Variants in TMTC1 observed in about 807,000 individuals in gnomAD.
The protein encoded by TMTC1 is protein O-mannosyl-transferase TMTC1.
In TMTC1, 73 loss-of-function variants were observed where a neutral mutation model predicts 104.8. The observed-to-expected ratio is 0.70, with a 90% CI of 0.58 to 0.85. The LOEUF (loss-of-function observed/expected upper bound fraction) is 0.85, where lower values mean the gene tolerates loss of function less well. TMTC1 is among the 40% of genes least tolerant of loss of function. TMTC1 has a pLI of 0.00. For synonymous variants in TMTC1, 434 were observed against 428.7 expected (o/e 1.01, Z -0.15); for missense variants, 1,035 against 1,096.1 (o/e 0.94, Z 0.79).
At chr12:29,569,248 T>C (rs1311067262) in intron 9 of TMTC1, among the ~76,000 whole-genome samples, 2 of 152,162 alleles carry the variant, frequency 1.3e-5, no homozygotes, top group Non-Finnish European at 2.9e-5. Flanking sequence ...AAGCAGAATA[T>C]TCATGTCATA....
At chr12:29,512,165 A>G (rs1160886723) in intron 16 of TMTC1, 45 bp from the exon 17 acceptor site, 3 of 1,517,982 alleles carry the variant, frequency 2.0e-6, no homozygotes, top group Non-Finnish European at 2.7e-6. Flanking sequence ...CAAACCTCCA[A>G]ACTCCAGGAT....
At chr12:29,665,514 A>G (rs773736893) in intron 5 of TMTC1, among the ~76,000 whole-genome samples, 1 of 152,208 alleles carries the variant, frequency 6.6e-6, no homozygotes, top group Non-Finnish European at 1.5e-5. Flanking sequence ...ATTAGCAGAG[A>G]TCAGAACAAC....
intron 5 of TMTC1, among the ~76,000 whole-genome samples, chr12:29,747,569 G>T (rs1023191706): frequency 2.0e-5 from 3 of 152,088 alleles, no homozygotes; most frequent in Admixed American, 6.5e-5. Context: ...CATCCCATAT[G>T]ACTATGTCCT....
intron 6 of TMTC1, chr12:29,613,904 A>G (rs1298731683): frequency 2.1e-6 from 2 of 970,786 alleles, no homozygotes; most frequent in East Asian, 1.1e-4. Context: ...AGCAAGTCAC[A>G]CTCACCAAAA....
At chr12:29,718,919 C>A (rs10843496) in intron 5 of TMTC1, among the ~76,000 whole-genome samples, 1 of 138,414 alleles carries the variant, frequency 7.2e-6, no homozygotes, top group Non-Finnish European at 1.5e-5. Flanking sequence ...GGTGACAGAG[C>A]GAGACTCCAT....
chr12:29,752,132 C>CACACAT (rs1218416724), intron 4 of TMTC1, among the ~76,000 whole-genome samples: 1 of 151,586 alleles, frequency 6.6e-6, no homozygotes, highest in African/African-American at 2.4e-5. Flanking sequence ...GCCACCAACA[C>CACACAT]ACACACACAC....
chr12:29,776,487 T>C (rs557401517), intron 1 of TMTC1, among the ~76,000 whole-genome samples: 3 of 152,350 alleles, frequency 2.0e-5, no homozygotes, highest in South Asian at 2.1e-4. Flanking sequence ...ATTATAATCA[T>C]GTAGCCTTAC....
intron 5 of TMTC1, among the ~76,000 whole-genome samples, chr12:29,745,499 T>C (rs1942929625): frequency 6.6e-6 from 1 of 150,626 alleles, no homozygotes; most frequent in Non-Finnish European, 1.5e-5. Flanking sequence ...GGCACACCTG[T>C]AATCCCAGCT....
At chr12:29,778,989 C>T (rs1327614840) in intron 1 of TMTC1, among the ~76,000 whole-genome samples, 1 of 152,208 alleles carries the variant, frequency 6.6e-6, no homozygotes, top group Non-Finnish European at 1.5e-5. Context: ...AGCTAAAATA[C>T]ATGTCTGTTT....
chr12:29,512,164 A>G (rs766773417), intron 16 of TMTC1, 44 bp from the exon 17 acceptor site: 19 of 1,514,372 alleles, frequency 1.3e-5, no homozygotes, highest in South Asian at 4.8e-5. Flanking sequence ...ACAAACCTCC[A>G]AACTCCAGGA....
At chr12:29,640,171 C>A (rs1472144320) in intron 5 of TMTC1, among the ~76,000 whole-genome samples, 1 of 152,186 alleles carries the variant, frequency 6.6e-6, no homozygotes, top group Non-Finnish European at 1.5e-5. Flanking sequence ...CTCCGACAAG[C>A]TTCTCATTGT....
At chr12:29,765,649 C>G (rs10843500) in intron 2 of TMTC1, among the ~76,000 whole-genome samples, 78,346 of 151,770 alleles carry the variant, frequency 0.52, 20,972 homozygotes, top group Admixed American at 0.65. Flanking sequence ...ATAAATAAAA[C>G]AGAAAATGAT....
At chr12:29,626,068 A>G (rs1460640514) in intron 6 of TMTC1, among the ~76,000 whole-genome samples, 1 of 152,204 alleles carries the variant, frequency 6.6e-6, no homozygotes, top group Non-Finnish European at 1.5e-5. Context: ...AGAATTGCTA[A>G]CTTTTTGCAG....
At chr12:29,757,621 T>C (rs1322411220) in intron 3 of TMTC1, among the ~76,000 whole-genome samples, 2 of 152,154 alleles carry the variant, frequency 1.3e-5, no homozygotes, top group African/African-American at 4.8e-5. Flanking sequence ...GGCAACATGG[T>C]TGACTTGCCC....
chr12:29,776,939 G>A (rs1943723385), intron 1 of TMTC1, among the ~76,000 whole-genome samples: 1 of 152,210 alleles, frequency 6.6e-6, no homozygotes, highest in African/African-American at 2.4e-5. Flanking sequence ...CTGGAATGCT[G>A]GTGCAGAGAA....
chr12:29,548,845 A>AAT (rs751924156), intron 10 of TMTC1, among the ~76,000 whole-genome samples: 142,630 of 142,690 alleles, frequency 1, 71,285 homozygotes, highest in Middle Eastern at 1. Flanking sequence ...CACTTATCTA[A>AAT]AATATATAAT....
intron 9 of TMTC1, among the ~76,000 whole-genome samples, chr12:29,567,872 G>A (rs1945560400): frequency 2.6e-5 from 4 of 152,076 alleles, no homozygotes; most frequent in Admixed American, 2.6e-4. Context: ...TTATTAAAAG[G>A]AATTATAATA....
chr12:29,643,426 C>CTGTGATATATATATATATCACATATA (rs1938958495), intron 5 of TMTC1, among the ~76,000 whole-genome samples: 3 of 55,554 alleles, frequency 5.4e-5, no homozygotes, highest in African/African-American at 2.7e-4. Flanking sequence ...AGTGGATAAA[C>CTGTGATATATATATATATCACATATA]TGTGATATAT....
At chr12:29,783,993 G>T, upstream of TMTC1, 1 of 185,582 alleles carries the variant, frequency 5.4e-6, no homozygotes, top group Non-Finnish European at 1.1e-5. This position sits in a 1 kb window ranked among gnomAD's most constrained non-coding sequence, Gnocchi z 4.7. Flanking sequence ...GCCCCACTGC[G>T]CATGCCCGCT....
Sources: allele counts gnomAD v4.1 joint callset (sites outside exome capture counted in the v4.1 genomes callset), GRCh38; gene constraint gnomAD v4.1.1; non-coding constraint Gnocchi (gnomAD v3.1); transcripts MANE v1.5; gene names NCBI Gene and HGNC (gene_info 2026-07-23, HGNC 2026-07-21).